CEP250: variants seen among roughly 807,000 people sequenced by gnomAD.
The protein encoded by CEP250 is centrosomal protein 250.
A neutral mutation model predicts 315.7 loss-of-function variants in CEP250; 242 were observed. The ratio of observed to expected loss-of-function variants is 0.77; its 90% CI spans 0.69 to 0.85. The LOEUF (loss-of-function observed/expected upper bound fraction) is 0.85. Among genes scored for constraint, CEP250 ranks in the 40% least tolerant of loss-of-function variants. CEP250 has a pLI of 0.00. For synonymous variants in CEP250, 1,088 were observed against 1,175.0 expected (o/e 0.93, Z 1.51); for missense variants, 2,515 against 2,886.4 (o/e 0.87, Z 2.95).
chr20:35,493,627 T>C, intron 23 of CEP250, 55 bp downstream of exon 23: 1 of 1,445,304 alleles, frequency 6.9e-7, no homozygotes, highest in East Asian at 2.6e-5. Context: ...CAGCCAGGCT[T>C]TCCCACTTCC....
chr20:35,475,605 C>T lies in CEP250; in HGVS notation c.1675C>T (p.Leu559=), dbSNP rs201427125. The change falls in exon 15 of 35, where the codon CTG becomes TTG. Residue 559 remains leucine (L), a synonymous_variant. Coordinates refer to ENST00000397527, the MANE Select transcript of CEP250 (RefSeq NM_007186.6). The part of the protein sequence containing the change: ...LESSHLEGEL[L]RQEQTEVTAA... ...GTCAAGTCACCTGGAAGGGGAGTTA[C>T]TGAGGCAAGAGCAAACGGAAGTGAC... is the stretch of plus-strand genomic sequence containing the variant. The T allele has an allele frequency of 6.2e-7, 1 of 1,614,124 alleles. No individual in the cohort carries two copies. Among genetic ancestry groups the T allele is most frequent in the African/African-American group, 1.3e-5 (1 of 75,040 alleles).
chr20:35,478,069 G>C lies in CEP250; in HGVS notation c.2062G>C (p.Glu688Gln). ...LQADLRDIQE[E>Q]KEEIQKKLSE... is the part of the protein sequence containing the mutation. Reference sequence around the variant, plus strand: ...GGCAGATCTCAGGGACATCCAAGAAGAGAAGGAAGAAATTCAAAAGAAACT... The same window carrying C: ...GGCAGATCTCAGGGACATCCAAGAACAGAAGGAAGAAATTCAAAAGAAACT... The change falls in exon 17 of 35, where the codon GAG becomes CAG. Residue 688 changes from glutamate to glutamine, a missense_variant. Physicochemically the swap from Glu to Gln is conservative, Grantham distance 29 (BLOSUM62 2). Coordinates refer to ENST00000397527, the MANE Select transcript of CEP250 (RefSeq NM_007186.6). 6.2e-7 allele frequency: 1 copy of C among 1,614,014 alleles called. No individual in the cohort carries two copies. The highest frequency in any genetic ancestry group is 8.5e-7 in the Non-Finnish European group (1 of 1,179,998).
In CEP250 at chr20:35,475,546, T is replaced by G; in HGVS notation, c.1616T>G (p.Leu539Arg). The change falls in exon 15 of 35, where the codon CTC becomes CGC. Residue 539 changes from leucine to arginine, a missense_variant. Physicochemically the swap from Leu to Arg is moderately radical, Grantham distance 102 (BLOSUM62 -2). Coordinates refer to ENST00000397527, the MANE Select transcript of CEP250 (RefSeq NM_007186.6). ...CTGGAAGCCAAACAGTCAGAATCACTCAGTGAACTGATCACTCTTCGGGAA... is the reference window on the plus strand; with the variant it reads ...CTGGAAGCCAAACAGTCAGAATCACGCAGTGAACTGATCACTCTTCGGGAA... ...MGLEAKQSES[L>R]SELITLREAL... 6.2e-7 allele frequency: 1 copy of G among 1,614,138 alleles called. No individual in the cohort carries two copies. Among genetic ancestry groups the G allele is most frequent in the Non-Finnish European group, 8.5e-7 (1 of 1,180,028 alleles).
At chr20:35,492,612 G>A (rs1421700622) in intron 22 of CEP250, among the ~76,000 whole-genome samples, 1 of 152,244 alleles carries the variant, frequency 6.6e-6, no homozygotes, top group East Asian at 1.9e-4. Flanking sequence ...AGGAGGCAGT[G>A]TGGCTCCAGC....
intron 4 of CEP250, among the ~76,000 whole-genome samples, chr20:35,462,930 A>G (rs905990816): frequency 6.6e-6 from 1 of 152,090 alleles, no homozygotes; most frequent in South Asian, 2.1e-4. Context: ...TTTGGCTAAT[A>G]TATCTCTTTA....
chr20:35,481,528 T>G (rs1312810449), intron 20 of CEP250, among the ~76,000 whole-genome samples: 1 of 152,212 alleles, frequency 6.6e-6, no homozygotes, highest in African/African-American at 2.4e-5. Context: ...ATTTTTTTAT[T>G]GTTTTATACA....
intron 16 of CEP250, 50 bp from the exon 17 acceptor site, chr20:35,477,821 C>T: frequency 1.4e-6 from 2 of 1,430,398 alleles, no homozygotes; most frequent in South Asian, 2.5e-5. Context: ...GATTCCTAAA[C>T]TAACCATTTG....
Position 35,503,194 on chromosome 20 carries a change from A to C in CEP250, c.4825A>C (p.Ser1609Arg). The C allele has an allele frequency of 3.7e-6, 6 of 1,614,164 alleles. No individual in the cohort carries two copies. Among genetic ancestry groups the C allele is most frequent in the Non-Finnish European group, 5.1e-6 (6 of 1,180,006 alleles). ...ERSQELQAQS[S>R]QIHDLESHST... Reference sequence around the variant, plus strand: ...GAGCCAGGAGCTGCAGGCACAAAGCAGCCAGATCCATGACCTGGAGAGCCA... The same window carrying C: ...GAGCCAGGAGCTGCAGGCACAAAGCCGCCAGATCCATGACCTGGAGAGCCA... The change falls in exon 30 of 35, where the codon AGC (serine) becomes CGC (arginine). Residue 1609 changes from serine (S) to arginine (R), a missense_variant. Transcript: ENST00000397527. The surrounding 1 kb of genome is among the most constrained non-coding windows in gnomAD (Gnocchi z 4.2).
chr20:35,476,705 G>A (rs1357310622), intron 16 of CEP250, 110 bp downstream of exon 16: 2 of 895,226 alleles, frequency 2.2e-6, no homozygotes, highest in African/African-American at 3.3e-5. Context: ...CATTTACAAT[G>A]CAGAGGAGAG....
At chr20:35,466,890 G>A in intron 7 of CEP250, 76 bp from the exon 8 acceptor site, 1 of 871,960 alleles carries the variant, frequency 1.1e-6, no homozygotes, top group Non-Finnish European at 2.0e-6. Context: ...CAGTAGTCAG[G>A]AGGAATCCAA....
At chr20:35,464,230 A>G (rs1411574475) in intron 5 of CEP250, among the ~76,000 whole-genome samples, 1 of 152,210 alleles carries the variant, frequency 6.6e-6, no homozygotes, top group Non-Finnish European at 1.5e-5. Context: ...TCCTTGGGTT[A>G]TGATGGGGTT....
At position 35,510,021 on chromosome 20, in the gene CEP250, A is replaced by G; in HGVS notation, c.7032A>G (p.Ser2344=). The change falls in exon 34 of 35, where the codon TCA becomes TCG. Residue 2344 remains serine, a synonymous_variant. Coordinates refer to ENST00000397527, the MANE Select transcript of CEP250 (RefSeq NM_007186.6). ...AGGATGGGAGAGGACAGAAGAACTC[A>G]GATGCCAAGTGTGTGGCTGAACTGC... is the stretch of plus-strand genomic sequence containing the variant. ...TQQDGRGQKN[S]DAKCVAELQK... The G allele has an allele frequency of 1.2e-6, 2 of 1,614,244 alleles. No individual in the cohort carries two copies. Among genetic ancestry groups the G allele is most frequent in the Non-Finnish European group, 1.7e-6 (2 of 1,180,042 alleles).
rs910237475 is a variant in CEP250, at chr20:35,507,676, A to G, written c.6637-62A>G. The stretch of plus-strand genomic sequence containing the variant: ...CATTGAACCGCTGTTTGTGTGGAGG[A>G]TGGGTTGGTCTGGATATGAGGTTGG... On this transcript the variant is annotated intron_variant, in intron 30 of 34. Transcript: ENST00000397527. The G allele has an allele frequency of 1.1e-5, 14 of 1,265,432 alleles. No individual in the cohort carries two copies. In the African/African-American group the frequency reaches 2.1e-4, roughly 19 times the overall value. The allele number at this position is 1,265,432 out of a possible 1,614,324, so 78.4% of individuals were successfully genotyped here.
chr20:35,490,112 T>G (rs2063642339), intron 20 of CEP250, among the ~76,000 whole-genome samples: 1 of 151,988 alleles, frequency 6.6e-6, no homozygotes, highest in East Asian at 1.9e-4. Context: ...CAGGAGTTCA[T>G]GACCAGCCTG....
chr20:35,457,642 CA>C (rs1297269321), intron 1 of CEP250, among the ~76,000 whole-genome samples: 1 of 151,876 alleles, frequency 6.6e-6, no homozygotes, highest in Non-Finnish European at 1.5e-5. Flanking sequence ...ACTAAAAATA[CA>C]AAAAAATTAG....
At position 35,494,607 on chromosome 20, in the gene CEP250, G is replaced by A. The variant is rs2063785622; in HGVS notation, c.3117G>A (p.Glu1039=). 3 of 1,614,172 alleles carry A rather than the reference G, an allele frequency of 1.9e-6. No homozygotes were observed. Among genetic ancestry groups the A allele is most frequent in the African/African-American group, 2.7e-5 (2 of 75,052 alleles). The change falls in exon 24 of 35, where the codon GAG becomes GAA. Residue 1039 remains glutamate (E), a synonymous_variant. Coordinates refer to ENST00000397527, the MANE Select transcript of CEP250 (RefSeq NM_007186.6). ...AGGAGGTTCAGGAGAAGCTGAGAGA[G>A]ACCCAGGAGTATAACCGAATTCAGA... is the stretch of plus-strand genomic sequence containing the variant. ...VEQEVQEKLR[E]TQEYNRIQKE...
chr20:35,504,292 G>T lies in CEP250; in HGVS notation c.5923G>T (p.Ala1975Ser), dbSNP rs758974009. Reference sequence around the variant, plus strand: ...GCAGGAGGCCCTTGGCAAGGCTCATGCTGCCCTGCAGGGGAAAGAGCAGCA... The same window carrying T: ...GCAGGAGGCCCTTGGCAAGGCTCATTCTGCCCTGCAGGGGAAAGAGCAGCA... ...ALQEALGKAH[A>S]ALQGKEQHLL... Residue 1975 changes from alanine (A) to serine (S), a missense_variant, in exon 30 of 35, where the codon GCT becomes TCT. By Grantham distance (99) the Ala-to-Ser change is moderately conservative (BLOSUM62 1). Coordinates refer to ENST00000397527, the MANE Select transcript of CEP250 (RefSeq NM_007186.6). The T allele has an allele frequency of 1.3e-6, 2 of 1,588,028 alleles. No individual in the cohort carries two copies. Among genetic ancestry groups the T allele is most frequent in the East Asian group, 2.3e-5 (1 of 43,348 alleles).
Position 35,503,740 on chromosome 20 carries a change from AG to A in CEP250, c.5374del (p.Glu1792AsnfsTer5). The part of the protein sequence containing the change: ...VVLQQQLQEA[R>X]EQGELKEQSL... The stretch of plus-strand genomic sequence containing the variant: ...CCTGCAGCAGCAACTGCAGGAAGCC[AG>A]GGAACAAGGGGAGCTGAAGGAGCAG... On this transcript the variant is annotated frameshift_variant, in exon 30 of 35. Coordinates refer to ENST00000397527, the MANE Select transcript of CEP250 (RefSeq NM_007186.6). LOFTEE classifies it high-confidence loss of function. This position sits in a 1 kb window ranked among gnomAD's most constrained non-coding sequence, Gnocchi z 4.2. The A allele has an allele frequency of 6.2e-7, 1 of 1,614,058 alleles. No homozygotes were observed. The highest frequency in any genetic ancestry group is 8.5e-7 in the Non-Finnish European group (1 of 1,180,022).
chr20:35,465,794 C>G lies in CEP250; in HGVS notation c.295C>G (p.Leu99Val). The stretch of plus-strand genomic sequence containing the variant: ...TGTGGAGGAGCCAAACCTGGATGAG[C>G]TGCTGGTCCGATTGGAGGAGGAGCA... ...ENVEEPNLDE[L>V]LVRLEEEQQR... Residue 99 changes from leucine to valine, a missense_variant, in exon 6 of 35, where the codon CTG (leucine) becomes GTG (valine). Physicochemically the swap from Leu to Val is conservative, Grantham distance 32. Transcript: ENST00000397527. 6.2e-7 allele frequency: 1 copy of G among 1,610,120 alleles called. No homozygotes were observed. The highest frequency in any genetic ancestry group is 8.5e-7 in the Non-Finnish European group (1 of 1,178,686).
Sources: allele counts gnomAD v4.1 joint callset (sites outside exome capture counted in the v4.1 genomes callset), GRCh38; gene constraint gnomAD v4.1.1; non-coding constraint Gnocchi (gnomAD v3.1); transcripts MANE v1.5; gene names NCBI Gene and HGNC (gene_info 2026-07-23, HGNC 2026-07-21).